Variants in RALGPS2 observed in about 807,000 individuals in gnomAD.
The protein encoded by RALGPS2 is Ral GEF with PH domain and SH3 binding motif 2, also known as ras-specific guanine nucleotide-releasing factor RalGPS2.
A neutral mutation model predicts 86.8 loss-of-function variants in RALGPS2; 43 were observed. The observed-to-expected ratio is 0.50, with a 90% CI of 0.39 to 0.64. The LOEUF is 0.64. Ranked by LOEUF, RALGPS2 falls within the 30% of genes least tolerant of loss-of-function variation. RALGPS2 has a pLI of 0.00. For synonymous variants in RALGPS2, 243 were observed against 231.3 expected, an observed-to-expected ratio of 1.05 and a Z score of -0.46; for missense variants, 536 against 694.6, an observed-to-expected ratio of 0.77 and a Z score of 2.57.
chr1:178,762,775 A>G (rs1652315942), intron 1 of RALGPS2, among the ~76,000 whole-genome samples: 1 of 152,112 alleles, frequency 6.6e-6, no homozygotes, highest in East Asian at 1.9e-4. Flanking sequence ...TAGTTTGAAA[A>G]TATTTTCTTC....
chr1:178,906,092 G>A (rs940451947), intron 18 of RALGPS2, among the ~76,000 whole-genome samples: 1 of 152,146 alleles, frequency 6.6e-6, no homozygotes, highest in Non-Finnish European at 1.5e-5. Flanking sequence ...TAATATTTAG[G>A]CCAGGTGTGG....
intron 13 of RALGPS2, among the ~76,000 whole-genome samples, chr1:178,887,020 C>T (rs1377987716): frequency 6.6e-6 from 1 of 152,098 alleles, no homozygotes; most frequent in Non-Finnish European, 1.5e-5. Flanking sequence ...ACAGAGATAG[C>T]TACTGTGAAG....
At chr1:178,793,207 T>C (rs1255449246) in intron 4 of RALGPS2, among the ~76,000 whole-genome samples, 1 of 152,198 alleles carries the variant, frequency 6.6e-6, no homozygotes, top group Non-Finnish European at 1.5e-5. Context: ...ATTGTGCTGC[T>C]AATACAATCT....
Position 178,916,192 on chromosome 1 carries a change from T to A in RALGPS2, c.1723-138T>A, listed in dbSNP as rs1020865832. On this transcript the variant is annotated intron_variant, in intron 19 of 19. Coordinates refer to ENST00000367635, the MANE Select transcript of RALGPS2 (RefSeq NM_152663.5). Reference sequence around the variant, plus strand: ...AGCATGTTAATTATTCATAAACTATTGAAGCTCCTTATATCAAGTTCCTTT... The same window carrying A: ...AGCATGTTAATTATTCATAAACTATAGAAGCTCCTTATATCAAGTTCCTTT... The A allele has an allele frequency of 9.3e-6, 6 of 647,876 alleles. No individual in the cohort carries two copies. In the African/African-American group the frequency reaches 1.1e-4, roughly 12 times the overall value. The allele number at this position is 647,876 out of a possible 1,614,324, so 40.1% of individuals were successfully genotyped here. A position where few individuals can be genotyped will look rare whatever the true frequency, so the allele number is the denominator to read the frequency against.
chr1:178,901,971 C>T (rs1386923779), intron 17 of RALGPS2, 135 bp from the exon 18 acceptor site: 13 of 631,178 alleles, frequency 2.1e-5, no homozygotes, highest in Non-Finnish European at 3.6e-5. Flanking sequence ...AGGCCCCAGG[C>T]TGGCTGAGAC....
At chr1:178,872,697 A>C (rs2102354875) in intron 8 of RALGPS2, among the ~76,000 whole-genome samples, 1 of 152,330 alleles carries the variant, frequency 6.6e-6, no homozygotes. Flanking sequence ...ATCTGGGAAA[A>C]ATAAGAGATA....
intron 1 of RALGPS2, chr1:178,747,428 C>A: frequency 6.3e-7 from 1 of 1,575,464 alleles, no homozygotes; most frequent in Non-Finnish European, 8.7e-7. Context: ...CACACTGAAT[C>A]CTGTTTCTTT....
chr1:178,773,669 G>A (rs1056151693), intron 1 of RALGPS2, among the ~76,000 whole-genome samples: 4 of 151,878 alleles, frequency 2.6e-5, no homozygotes, highest in East Asian at 1.9e-4. Flanking sequence ...GGTGGCGGGC[G>A]CCTGTAGTCC....
chr1:178,753,771 A>G (rs1305340128), intron 1 of RALGPS2: 1 of 152,182 alleles, frequency 6.6e-6, no homozygotes, highest in Non-Finnish European at 1.5e-5. Context: ...CAGTACCTGC[A>G]TTAGAGTTGT....
chr1:178,804,190 T>C (rs187556470), intron 4 of RALGPS2, among the ~76,000 whole-genome samples: 1 of 151,598 alleles, frequency 6.6e-6, no homozygotes, highest in East Asian at 1.9e-4. Context: ...AACTCAGTTA[T>C]TCGCATCTTT....
intron 8 of RALGPS2, among the ~76,000 whole-genome samples, chr1:178,839,030 G>C (rs141328303): frequency 6.6e-6 from 1 of 152,292 alleles, no homozygotes; most frequent in Non-Finnish European, 1.5e-5. Context: ...CCAAACCTGC[G>C]TCTGATTGGT....
intron 8 of RALGPS2, among the ~76,000 whole-genome samples, chr1:178,870,219 A>G (rs1332004528): frequency 6.6e-6 from 1 of 152,148 alleles, no homozygotes; most frequent in Non-Finnish European, 1.5e-5. Context: ...ATTTGGTTAT[A>G]CTGTAATTGA....
rs560285661 is a variant in RALGPS2 at position 178,881,581 on chromosome 1, G to A, written c.837-1885G>A. On this transcript the variant is annotated intron_variant, in intron 10 of 19. Transcript: ENST00000367635. ...TTCTTCTGCCTCAGCCTCCCGAGTA[G>A]CTGGGATTACAGGTGCCCGCCATCA... 6.9e-4 allele frequency among the ~76,000 whole-genome samples: 105 copies of A among 152,246 alleles called. 3 individuals are homozygous for A. In the South Asian group the frequency reaches 0.021, roughly 30 times the overall value.
At chr1:178,752,749 T>C (rs1352680851) in intron 1 of RALGPS2, among the ~76,000 whole-genome samples, 1 of 152,200 alleles carries the variant, frequency 6.6e-6, no homozygotes, top group Non-Finnish European at 1.5e-5. Flanking sequence ...AGTAATATTC[T>C]CCAATTTGGA....
At chr1:178,797,901 G>A (rs1020330498) in intron 4 of RALGPS2, among the ~76,000 whole-genome samples, 12 of 140,840 alleles carry the variant, frequency 8.5e-5, no homozygotes, top group African/African-American at 3.2e-4. Context: ...TCTTCATCTT[G>A]TTGAACTGTG....
intron 8 of RALGPS2, among the ~76,000 whole-genome samples, chr1:178,864,417 GA>G (rs1658244509): frequency 6.6e-6 from 1 of 152,100 alleles, no homozygotes; most frequent in African/African-American, 2.4e-5. Flanking sequence ...TTCAAGATAA[GA>G]AAGAACAAAA....
chr1:178,731,288 T>G (rs1650341569), intron 1 of RALGPS2, among the ~76,000 whole-genome samples: 1 of 125,186 alleles, frequency 8.0e-6, no homozygotes, highest in Non-Finnish European at 1.7e-5. Context: ...TTTTTTTTTT[T>G]TTTTTTTTTT....
intron 1 of RALGPS2, chr1:178,747,713 A>G: frequency 2.2e-6 from 3 of 1,344,422 alleles, no homozygotes; most frequent in Middle Eastern, 2.1e-4. Context: ...AGCGATGCTG[A>G]GCATCCAACT....
chr1:178,916,490 C>A lies in RALGPS2; in HGVS notation c.*131C>A. 1.2e-6 allele frequency: 1 copy of A among 811,274 alleles called. No homozygotes were observed. The highest frequency in any genetic ancestry group is 1.8e-5 in the African/African-American group (1 of 56,642). 50.3% of individuals were successfully genotyped at this position (811,274 alleles called of 1,614,324 possible). ...GCTCTGTCTCAGTCGTTGGAGTTCTCAACCAAAAAAGCACTAATTTCAGGG... is the reference window on the plus strand; with the variant it reads ...GCTCTGTCTCAGTCGTTGGAGTTCTAAACCAAAAAAGCACTAATTTCAGGG... On this transcript the variant is annotated 3_prime_UTR_variant, in exon 20 of 20. Transcript: ENST00000367635.
Sources: allele counts gnomAD v4.1 joint callset (sites outside exome capture counted in the v4.1 genomes callset), GRCh38; gene constraint gnomAD v4.1.1; transcripts MANE v1.5; gene names NCBI Gene and HGNC (gene_info 2026-07-23, HGNC 2026-07-21).